ILRUN: variants seen among roughly 807,000 people sequenced by gnomAD.
The protein encoded by ILRUN is inflammation and lipid regulator with UBA-like and NBR1-like domains.
ILRUN carries 3 observed loss-of-function variants against 33.8 expected under a neutral mutation model. The ratio of observed to expected loss-of-function variants is 0.09; its 90% CI spans 0.04 to 0.23. The LOEUF (loss-of-function observed/expected upper bound fraction) is 0.23, where lower values mean the gene tolerates loss of function less well. Among genes scored for constraint, ILRUN ranks in the 10% least tolerant of loss-of-function variants. The pLI is 1.00. For synonymous variants in ILRUN, 124 were observed against 138.9 expected, an observed-to-expected ratio of 0.89 and a Z score of 0.75; for missense variants, 210 against 375.1, an observed-to-expected ratio of 0.56 and a Z score of 3.64.
intron 3 of ILRUN, among the ~76,000 whole-genome samples, chr6:34,616,289 C>A (rs1323637582): frequency 6.6e-6 from 1 of 152,182 alleles, no homozygotes; most frequent in African/African-American, 2.4e-5. Flanking sequence ...GGGTTCAAAT[C>A]CTTTAGGAAG....
At chr6:34,642,825 CAAAAA>C (rs57866309) in intron 3 of ILRUN, among the ~76,000 whole-genome samples, 4 of 42,986 alleles carry the variant, frequency 9.3e-5, no homozygotes, top group Admixed American at 3.3e-4. Flanking sequence ...CCGTCTCTAC[CAAAAA>C]AAAAAAAAAA....
intron 2 of ILRUN, among the ~76,000 whole-genome samples, chr6:34,651,352 C>A (rs1762664589): frequency 6.6e-6 from 1 of 151,930 alleles, no homozygotes. Flanking sequence ...AAAGCAAATG[C>A]AGAGGGGAAA....
chr6:34,616,537 C>A, intron 3 of ILRUN: 4 of 1,170,566 alleles, frequency 3.4e-6, no homozygotes, highest in Admixed American at 3.5e-5. Flanking sequence ...AGGCTGGAAC[C>A]ATGGAGGGTG....
At chr6:34,593,142 G>A (rs926429089) in intron 4 of ILRUN, among the ~76,000 whole-genome samples, 5 of 152,112 alleles carry the variant, frequency 3.3e-5, no homozygotes, top group African/African-American at 1.2e-4. Context: ...TTGTGCCACT[G>A]TACTTCAGCC....
At chr6:34,689,602 C>T (rs923131743) in intron 1 of ILRUN, among the ~76,000 whole-genome samples, 4 of 151,806 alleles carry the variant, frequency 2.6e-5, no homozygotes, top group African/African-American at 9.7e-5. Flanking sequence ...GAACTTTTTC[C>T]TAGATTTATA....
intron 4 of ILRUN, among the ~76,000 whole-genome samples, chr6:34,593,111 C>T (rs1358150177): frequency 6.6e-6 from 1 of 151,826 alleles, no homozygotes; most frequent in Non-Finnish European, 1.5e-5. Flanking sequence ...CCCAGGAGGT[C>T]GAGGCTGCAG....
At chr6:34,652,056 T>C (rs11753870) in intron 2 of ILRUN, among the ~76,000 whole-genome samples, 1 of 152,202 alleles carries the variant, frequency 6.6e-6, no homozygotes, top group African/African-American at 2.4e-5. Flanking sequence ...CCTCCCAAAG[T>C]GCTGGGATTA....
chr6:34,616,306 CCA>C (rs1352878273), intron 3 of ILRUN, among the ~76,000 whole-genome samples: 2 of 152,110 alleles, frequency 1.3e-5, no homozygotes, highest in Non-Finnish European at 2.9e-5. Context: ...GAAGATCAAC[CCA>C]TCTTCAAAGC....
rs751543929 is a variant in ILRUN, at chr6:34,654,798, G to C, written c.159-19C>G. The C allele has an allele frequency of 3.1e-6, 5 of 1,610,262 alleles. No individual in the cohort carries two copies. In the Admixed American group the frequency reaches 6.8e-5, roughly 22 times the overall value. ...TAGGTTCCTATAGAAAAAGAGAAAA[G>C]GCAACAGACTTCAGTACTGTCCAGA... On this transcript the variant is annotated intron_variant, in intron 1 of 4. Coordinates refer to ENST00000374023, the MANE Select transcript of ILRUN (RefSeq NM_024294.4).
rs369663745 is a variant in ILRUN, at chr6:34,696,419, A to G, written c.158+27T>C. 1.7e-4 allele frequency: 264 copies of G among 1,547,844 alleles called. No individual in the cohort carries two copies. The African/African-American group carries it at 3.2e-3, about 19-fold the overall frequency. Reference sequence around the variant, plus strand: ...CCTCGGGGCCCCCGAGGCCGCTGCCAGCGCTGGCACTGCGGGGCCGGCTCA... The same window carrying G: ...CCTCGGGGCCCCCGAGGCCGCTGCCGGCGCTGGCACTGCGGGGCCGGCTCA... On this transcript the variant is annotated intron_variant, in intron 1 of 4. Transcript: ENST00000374023.
rs1213030886 is a variant in ILRUN at position 34,588,473 on chromosome 6, G to A, written c.*2092C>T. ...TGTGCTGCTTCAAGGCTACTAAGCA[G>A]TAAGAACAGCTGGGCATGCATGGGC... is the stretch of plus-strand genomic sequence containing the variant. On this transcript the variant is annotated 3_prime_UTR_variant, in exon 5 of 5. Transcript: ENST00000374023. 2 of 367,358 alleles carry A rather than the reference G, an allele frequency of 5.4e-6. No individual in the cohort carries two copies. 22.8% of individuals were successfully genotyped at this position (367,358 alleles called of 1,614,324 possible).
intron 1 of ILRUN, among the ~76,000 whole-genome samples, chr6:34,689,418 A>T (rs1763600014): frequency 6.6e-6 from 1 of 152,210 alleles, no homozygotes; most frequent in East Asian, 1.9e-4. Context: ...ATCTTACTTT[A>T]AAAATCAACA....
At chr6:34,654,903 G>A (rs1249381802) in intron 1 of ILRUN, 124 bp from the exon 2 acceptor site, 8 of 788,898 alleles carry the variant, frequency 1.0e-5, no homozygotes, top group Middle Eastern at 2.5e-4. Flanking sequence ...TGGTATACAC[G>A]TCTTTAAAGC....
intron 3 of ILRUN, among the ~76,000 whole-genome samples, chr6:34,627,851 G>A (rs1762170669): frequency 6.6e-6 from 1 of 150,962 alleles, no homozygotes; most frequent in Non-Finnish European, 1.5e-5. Context: ...TTACAGACAT[G>A]CACCACCATA....
In ILRUN at chr6:34,588,462, G is replaced by C; in HGVS notation, c.*2103C>G. 1 of 377,852 alleles carries C rather than the reference G, an allele frequency of 2.6e-6. No homozygotes were observed. The highest frequency in any genetic ancestry group is 4.7e-6 in the Non-Finnish European group (1 of 213,152). 23.4% of individuals were successfully genotyped at this position (377,852 alleles called of 1,614,324 possible). On this transcript the variant is annotated 3_prime_UTR_variant, in exon 5 of 5. Transcript: ENST00000374023. ...GACAGTGGAGATGTGCTGCTTCAAG[G>C]CTACTAAGCAGTAAGAACAGCTGGG... is the stretch of plus-strand genomic sequence containing the variant.
intron 2 of ILRUN, among the ~76,000 whole-genome samples, chr6:34,651,789 CTTTTTTTT>C (rs11288958): frequency 9.7e-6 from 1 of 102,806 alleles, no homozygotes; most frequent in African/African-American, 4.1e-5. Context: ...TTCCAAAAAA[CTTTTTTTT>C]TTTTTTTTTT....
intron 1 of ILRUN, among the ~76,000 whole-genome samples, chr6:34,683,483 T>C (rs1303257105): frequency 9.4e-6 from 1 of 106,512 alleles, no homozygotes; most frequent in East Asian, 2.4e-4. Flanking sequence ...CACATATATA[T>C]ATACATATAT....
intron 3 of ILRUN, among the ~76,000 whole-genome samples, chr6:34,639,846 G>A (rs1762434272): frequency 6.6e-6 from 1 of 152,086 alleles, no homozygotes; most frequent in African/African-American, 2.4e-5. Context: ...TAGACCTTAA[G>A]CCTCTCTGGT....
At chr6:34,656,250 A>G (rs965022166) in intron 1 of ILRUN, among the ~76,000 whole-genome samples, 16 of 151,946 alleles carry the variant, frequency 1.1e-4, no homozygotes, top group African/African-American at 3.9e-4. Context: ...AAAAAAAAAA[A>G]AAAAAGAGCC....
Sources: allele counts gnomAD v4.1 joint callset (sites outside exome capture counted in the v4.1 genomes callset), GRCh38; gene constraint gnomAD v4.1.1; transcripts MANE v1.5; gene names NCBI Gene and HGNC (gene_info 2026-07-23, HGNC 2026-07-21).